The following HSD17B14 variants were observed in gnomAD, a reference collection of about 807,000 sequenced individuals.
HSD17B14 encodes hydroxysteroid 17-beta dehydrogenase 14.
Under a neutral mutation model 32.2 loss-of-function variants are expected in HSD17B14, and 32 were observed. The observed-to-expected ratio is 0.99, with a 90% CI of 0.75 to 1.33. The LOEUF (loss-of-function observed/expected upper bound fraction) is 1.33, where lower values mean the gene tolerates loss of function less well. HSD17B14 is among the 40% of genes most tolerant of loss of function. The probability of loss-of-function intolerance (pLI) is 0.00; values close to 1 mark genes in which losing one functional copy is unlikely to be tolerated. For synonymous variants in HSD17B14, 140 were observed against 155.4 expected (o/e 0.90, Z 0.74); for missense variants, 370 against 366.5 (o/e 1.01, Z -0.08).
chr19:48,836,362 C>A lies in HSD17B14; in HGVS notation c.50G>T (p.Gly17Val), dbSNP rs750544442. The A allele has an allele frequency of 5.6e-6, 9 of 1,613,776 alleles. No homozygotes were observed. Among genetic ancestry groups the A allele is most frequent in the Non-Finnish European group, 7.6e-6 (9 of 1,179,974 alleles). ...YAGKVVVVTG[G>V]GRGIGAGIVR... ...GATCCCAGCTCCGATGCCGCGCCCG[C>A]CCCCGGTCACGACCACCACCTTCCC... The change falls in exon 1 of 9, where the codon GGC becomes GTC. Residue 17 changes from glycine to valine, a missense_variant. By Grantham distance (109) the Gly-to-Val change is moderately radical. Coordinates refer to ENST00000263278, the MANE Select transcript of HSD17B14 (RefSeq NM_016246.3).
intron 5 of HSD17B14, among the ~76,000 whole-genome samples, chr19:48,826,074 C>T (rs568586914): frequency 6.6e-6 from 1 of 152,114 alleles, no homozygotes; most frequent in Admixed American, 6.6e-5. Context: ...CCCGCCTCAG[C>T]CTCCCAAAGT....
intron 5 of HSD17B14, among the ~76,000 whole-genome samples, chr19:48,820,123 C>T (rs1006483877): frequency 6.6e-6 from 1 of 152,042 alleles, no homozygotes; most frequent in African/African-American, 2.4e-5. Flanking sequence ...CACCATGGCA[C>T]TCCAGCATGG....
intron 5 of HSD17B14, among the ~76,000 whole-genome samples, chr19:48,822,125 T>C (rs1159711251): frequency 5.3e-5 from 8 of 150,358 alleles, no homozygotes; most frequent in African/African-American, 2.0e-4. Flanking sequence ...ATGGTGATGC[T>C]GATGTTGATG....
intron 5 of HSD17B14, among the ~76,000 whole-genome samples, chr19:48,829,083 T>TA (rs1260142992): frequency 2.6e-5 from 4 of 152,008 alleles, no homozygotes; most frequent in Non-Finnish European, 4.4e-5. Flanking sequence ...AATTAATTTT[T>TA]AAAAAAGTTG....
At chr19:48,835,368 GGGC>G (rs2035469756) in intron 2 of HSD17B14, among the ~76,000 whole-genome samples, 2 of 128,596 alleles carry the variant, frequency 1.6e-5, no homozygotes, top group Admixed American at 1.5e-4. Context: ...GAGGGAGGAG[GGGC>G]TGAGGTCTGG....
intron 3 of HSD17B14, 115 bp downstream of exon 3, chr19:48,834,161 C>A: frequency 1.2e-6 from 1 of 807,772 alleles, no homozygotes; most frequent in Non-Finnish European, 2.1e-6. Flanking sequence ...TTGACGAGTC[C>A]AGCGGAGCCA....
At chr19:48,816,824 T>TTTCTTTCTTTC (rs1555775916) in intron 5 of HSD17B14, among the ~76,000 whole-genome samples, 17 of 50,814 alleles carry the variant, frequency 3.3e-4, no homozygotes, top group African/African-American at 1.4e-3. Context: ...TCTTTCTTTC[T>TTTCTTTCTTTC]TTTCTTTCTC....
At chr19:48,825,217 G>A (rs1026035427) in intron 5 of HSD17B14, among the ~76,000 whole-genome samples, 6 of 131,884 alleles carry the variant, frequency 4.5e-5, no homozygotes, top group Non-Finnish European at 7.7e-5. Context: ...CAGCCTGGGC[G>A]ATAGAGCGAG....
chr19:48,820,183 G>A (rs1282736875), intron 5 of HSD17B14, among the ~76,000 whole-genome samples: 7 of 150,898 alleles, frequency 4.6e-5, no homozygotes, highest in African/African-American at 7.3e-5. Flanking sequence ...GAAAAAGAAC[G>A]TTGCCTGAGG....
chr19:48,832,079 GAAAA>G (rs71294393), intron 4 of HSD17B14, among the ~76,000 whole-genome samples: 1 of 60,088 alleles, frequency 1.7e-5, no homozygotes, highest in Non-Finnish European at 3.0e-5. Context: ...CCCCATCTCA[GAAAA>G]AAAAAAAAAA....
At chr19:48,823,841 A>G (rs1386250728) in intron 5 of HSD17B14, among the ~76,000 whole-genome samples, 2 of 149,678 alleles carry the variant, frequency 1.3e-5, no homozygotes, top group East Asian at 2.1e-4. Flanking sequence ...TGGTTTCACC[A>G]TGTTAGCCAG....
intron 5 of HSD17B14, among the ~76,000 whole-genome samples, chr19:48,825,237 CAAAA>C (rs60266504): frequency 2.2e-5 from 2 of 89,072 alleles, no homozygotes; most frequent in Admixed American, 1.3e-4. Context: ...GACTCCGTCG[CAAAA>C]AAAAAAAAAA....
At chr19:48,815,395 C>T (rs1238792120) in intron 5 of HSD17B14, among the ~76,000 whole-genome samples, 3 of 152,174 alleles carry the variant, frequency 2.0e-5, no homozygotes, top group Non-Finnish European at 2.9e-5. Flanking sequence ...CGGTCTCTGA[C>T]TCTGTCTTTG....
intron 2 of HSD17B14, among the ~76,000 whole-genome samples, chr19:48,834,676 G>A (rs1368940967): frequency 1.1e-3 from 82 of 73,100 alleles, no homozygotes; most frequent in Non-Finnish European, 1.7e-3. Flanking sequence ...AGGGCCTGGG[G>A]GCCTGGACTC....
intron 5 of HSD17B14, among the ~76,000 whole-genome samples, chr19:48,826,984 G>A (rs991988055): frequency 2.0e-5 from 3 of 151,788 alleles, no homozygotes; most frequent in East Asian, 1.9e-4. Context: ...ACAGTGAATG[G>A]CAGCTCTGTC....
At chr19:48,814,841 AAAAAAAAAAAAG>A (rs951702535) in intron 6 of HSD17B14, among the ~76,000 whole-genome samples, 184 bp downstream of exon 6, 13 of 106,444 alleles carry the variant, frequency 1.2e-4, no homozygotes, top group African/African-American at 4.8e-4. Context: ...TCCATCTTTA[AAAAAAAAAAAAG>A]AAAAGAAAAG....
chr19:48,817,439 A>G (rs1193528058), intron 5 of HSD17B14, among the ~76,000 whole-genome samples: 9 of 152,154 alleles, frequency 5.9e-5, no homozygotes, highest in South Asian at 2.1e-4. Flanking sequence ...TCGGCCTCCC[A>G]AAGTGCTGGG....
At position 48,835,661 on chromosome 19, in the gene HSD17B14, G is replaced by A. The variant is rs982346475; in HGVS notation, c.127+144C>T. On this transcript the variant is annotated intron_variant, in intron 2 of 8. Transcript: ENST00000263278. ...TGGACTCCTAGGTCTGAGGGAGGAG[G>A]GGCTGAGGTCTGGACTCCTGGGTCT... 5.4e-6 allele frequency: 4 copies of A among 735,772 alleles called. No homozygotes were observed. In the Admixed American group the frequency reaches 7.3e-5, roughly 13 times the overall value. The allele number at this position is 735,772 out of a possible 1,614,324, so 45.6% of individuals were successfully genotyped here.
rs186872310 is a variant in HSD17B14 at position 48,829,010 on chromosome 19, G to A, written c.369+2658C>T. ...TGGGAGGCAGAGGTTGCAGTGAGCC[G>A]AGATTGTGCCACTGTACTCCAGCCT... On this transcript the variant is annotated intron_variant, in intron 5 of 8. Coordinates refer to ENST00000263278, the MANE Select transcript of HSD17B14 (RefSeq NM_016246.3). Among the ~76,000 whole-genome samples the A allele has an allele frequency of 5.5e-3, 839 of 151,376 alleles. 4 individuals are homozygous for A. The highest frequency in any genetic ancestry group is 1.0e-2 in the Non-Finnish European group (677 of 67,804).
Sources: allele counts gnomAD v4.1 joint callset (sites outside exome capture counted in the v4.1 genomes callset), GRCh38; gene constraint gnomAD v4.1.1; transcripts MANE v1.5; gene names NCBI Gene and HGNC (gene_info 2026-07-23, HGNC 2026-07-21).